ANK3: variants seen among roughly 807,000 people sequenced by gnomAD.
ANK3 encodes the protein ankyrin 3, also known as ankyrin-3.
Under a neutral mutation model 370.9 loss-of-function variants are expected in ANK3, and 57 were observed. That is an observed-to-expected ratio of 0.15 (90% CI 0.12 to 0.19). The LOEUF (loss-of-function observed/expected upper bound fraction) is 0.19. Among genes scored for constraint, ANK3 ranks in the 10% least tolerant of loss-of-function variants. The pLI is 1.00. For missense variants in ANK3, 4,439 were observed against 5,302.1 expected, an observed-to-expected ratio of 0.84 and a Z score of 5.06; for synonymous variants, 1,929 against 1,946.3, an observed-to-expected ratio of 0.99 and a Z score of 0.23.
intron 4 of ANK3, among the ~76,000 whole-genome samples, chr10:60,271,069 G>T (rs1418507712): frequency 2.0e-5 from 3 of 151,822 alleles, no homozygotes; most frequent in Admixed American, 2.0e-4. Context: ...AAAAAATGTT[G>T]TATATATATT....
intron 2 of ANK3, among the ~76,000 whole-genome samples, chr10:60,439,449 G>C (rs1384254969): frequency 6.6e-6 from 1 of 152,048 alleles, no homozygotes; most frequent in Admixed American, 6.6e-5. Flanking sequence ...CTTGAGGCCA[G>C]GAGTTCGAGA....
intron 1 of ANK3, among the ~76,000 whole-genome samples, chr10:60,341,064 A>T (rs921576364): frequency 6.6e-6 from 1 of 152,140 alleles, no homozygotes; most frequent in African/African-American, 2.4e-5. Context: ...TCCCTTCTAG[A>T]GTCTGCTCAA....
intron 8 of ANK3, among the ~76,000 whole-genome samples, chr10:60,233,565 A>G (rs2097282157): frequency 6.6e-6 from 1 of 152,090 alleles, no homozygotes; most frequent in Admixed American, 6.5e-5. Context: ...TTGTACAGCC[A>G]AGACTATAAG....
At chr10:60,058,052 T>C (rs1198569175) in intron 41 of ANK3, among the ~76,000 whole-genome samples, 1 of 152,202 alleles carries the variant, frequency 6.6e-6, no homozygotes, top group East Asian at 1.9e-4. Flanking sequence ...TGAAGTAAAA[T>C]ATATTTTAGT....
chr10:60,143,030 G>C (rs527506765), intron 23 of ANK3, among the ~76,000 whole-genome samples: 1 of 152,208 alleles, frequency 6.6e-6, no homozygotes, highest in South Asian at 2.1e-4. Context: ...CACAAAGTAA[G>C]GGCTTAATCA....
chr10:60,181,281 C>A, intron 18 of ANK3, 48 bp downstream of exon 18: 2 of 1,510,400 alleles, frequency 1.3e-6, no homozygotes, highest in South Asian at 2.3e-5. Context: ...TTACTGCAGT[C>A]ACCAAATGGA....
chr10:60,141,075 G>A (rs540918272), intron 23 of ANK3: 9 of 965,986 alleles, frequency 9.3e-6, no homozygotes, highest in Non-Finnish European at 1.1e-5. Flanking sequence ...AGGGGAAAAA[G>A]AGAGAGGGAG....
chr10:60,522,919 A>T (rs920664377), intron 2 of ANK3, among the ~76,000 whole-genome samples: 3 of 152,114 alleles, frequency 2.0e-5, no homozygotes, highest in Non-Finnish European at 2.9e-5. Flanking sequence ...AGAAGACACA[A>T]AACCTCTTCT....
In ANK3 at chr10:60,219,464, G is replaced by A. The variant is rs74835869; in HGVS notation, c.898-5954C>T. On this transcript the variant is annotated intron_variant, in intron 8 of 43. Coordinates refer to ENST00000280772, the MANE Select transcript of ANK3 (RefSeq NM_020987.5). ...ATTTTGAATTTTTCTGCTTGCCCCC[G>A]CCACCTCAGGGGTTTTTGCACCCTT... 3.5e-4 allele frequency among the ~76,000 whole-genome samples: 53 copies of A among 152,152 alleles called. No individual in the cohort carries two copies. In the East Asian group the frequency reaches 7.8e-3, roughly 22 times the overall value.
intron 2 of ANK3, among the ~76,000 whole-genome samples, chr10:60,598,768 T>C (rs1168890695): frequency 6.6e-6 from 1 of 152,190 alleles, no homozygotes; most frequent in Non-Finnish European, 1.5e-5. Context: ...CACTATGACA[T>C]AAAAGCAATT....
Position 60,071,892 on chromosome 10 carries a change from A to C in ANK3, c.8989T>G (p.Ser2997Ala). The C allele has an allele frequency of 6.2e-7, 1 of 1,614,078 alleles. No homozygotes were observed. The highest frequency in any genetic ancestry group is 8.5e-7 in the Non-Finnish European group (1 of 1,179,970). The change falls in exon 37 of 44, where the codon TCA (serine) becomes GCA (alanine). Residue 2997 changes from serine to alanine, a missense_variant. Ser to Ala is a moderately conservative substitution (Grantham distance 99). Coordinates refer to ENST00000280772, the MANE Select transcript of ANK3 (RefSeq NM_020987.5). The stretch of plus-strand genomic sequence containing the variant: ...TCAACTGTCTCTTTACTCATGCTTG[A>C]CTGGGACAATTTTTGTGATAGTTCA... ...KHELSQKLSQSSMSKETVETQ... is the reference protein window; with the variant it reads ...KHELSQKLSQASMSKETVETQ...
intron 2 of ANK3, among the ~76,000 whole-genome samples, chr10:60,395,592 CTTTCTTTCTTTCTTTCTCTCTTTCGT>C (rs1394913277): frequency 2.1e-4 from 27 of 126,132 alleles, no homozygotes; most frequent in African/African-American, 7.5e-4. Flanking sequence ...TTCTTTCTTT[CTTTCTTTCTTTCTTTCTCTCTTTCGT>C]TCTCTCTCTC....
upstream of ANK3, among the ~76,000 whole-genome samples, chr10:60,393,291 A>G (rs2063150488): frequency 2.0e-5 from 3 of 152,308 alleles, no homozygotes; most frequent in South Asian, 6.2e-4. Flanking sequence ...ATACTGCCCC[A>G]AAGAGTCTCA....
intron 18 of ANK3, among the ~76,000 whole-genome samples, chr10:60,180,614 C>CAAAA (rs1565505994): frequency 1.3e-5 from 1 of 75,210 alleles, no homozygotes; most frequent in African/African-American, 5.5e-5. Flanking sequence ...AAAAAAAAAA[C>CAAAA]CAAAAAAAAA....
intron 1 of ANK3, among the ~76,000 whole-genome samples, chr10:60,686,365 A>G (rs1272294035): frequency 6.6e-6 from 1 of 152,176 alleles, no homozygotes; most frequent in Non-Finnish European, 1.5e-5. Flanking sequence ...AAAAATTGAC[A>G]AAAATTTAGA....
chr10:60,315,363 T>A (rs1245293099), intron 1 of ANK3, among the ~76,000 whole-genome samples: 1 of 152,152 alleles, frequency 6.6e-6, no homozygotes, highest in East Asian at 1.9e-4. Context: ...TTCACTGAGG[T>A]GTGCAAATGA....
chr10:60,088,037 G>T (rs2087144953), intron 29 of ANK3, 110 bp downstream of exon 29: 11 of 814,842 alleles, frequency 1.3e-5, no homozygotes, highest in Non-Finnish European at 2.0e-5. Flanking sequence ...TTCCCCAAAC[G>T]GCCTAATTAG....
intron 18 of ANK3, among the ~76,000 whole-genome samples, chr10:60,177,593 C>CTTTTTTTTTTTTTTTTTTTTTTTTT (rs771714886): frequency 9.4e-6 from 1 of 106,252 alleles, no homozygotes. Context: ...GTCTTCAAAT[C>CTTTTTTTTTTTTTTTTTTTTTTTTT]TTTTTTTTTT....
chr10:60,569,101 C>G lies in ANK3; in HGVS notation c.96+46085G>C, dbSNP rs543980920. On this transcript the variant is annotated intron_variant, in intron 2 of 43. Coordinates refer to the ANK3 transcript ENST00000373827. The stretch of plus-strand genomic sequence containing the variant: ...AATACAGATGCTAAAGAAAAAAAAT[C>G]TTTAAGTGTCACTTCCTACATTTTA... Among the ~76,000 whole-genome samples, 56 of 152,044 alleles carry G rather than the reference C, an allele frequency of 3.7e-4. 1 individual carries two copies. The highest frequency in any genetic ancestry group is 3.4e-3 in the Middle Eastern group (1 of 294).
Sources: gnomAD v4.1 joint callset for allele counts (sites outside exome capture counted in the v4.1 genomes callset) on GRCh38, gnomAD v4.1.1 for gene constraint, MANE v1.5 for transcripts, NCBI Gene and HGNC (gene_info 2026-07-23, HGNC 2026-07-21) for gene names.